The following SEMA5A variants were observed in gnomAD, a reference collection of about 807,000 sequenced individuals.
SEMA5A encodes semaphorin-5A.
In SEMA5A, 55 loss-of-function variants were observed where a neutral mutation model predicts 135.5. The ratio of observed to expected loss-of-function variants is 0.41; its 90% CI spans 0.33 to 0.51. SEMA5A has a LOEUF of 0.51. Ranked by LOEUF, SEMA5A falls within the 20% of genes least tolerant of loss-of-function variation. The probability of loss-of-function intolerance (pLI) is 0.37; values close to 1 mark genes in which losing one functional copy is unlikely to be tolerated. For synonymous variants in SEMA5A, 580 were observed against 546.5 expected (o/e 1.06, Z -0.85); for missense variants, 1,290 against 1,419.9 (o/e 0.91, Z 1.47).
At chr5:9,521,001 G>A (rs964120240) in intron 1 of SEMA5A, among the ~76,000 whole-genome samples, 1 of 152,206 alleles carries the variant, frequency 6.6e-6, no homozygotes, top group African/African-American at 2.4e-5. Context: ...CACATTAGCT[G>A]TGGCCAATGT....
chr5:9,055,536 A>G (rs1305702047), intron 18 of SEMA5A, among the ~76,000 whole-genome samples: 1 of 152,228 alleles, frequency 6.6e-6, no homozygotes, highest in Admixed American at 6.5e-5. Context: ...GTCATGATGT[A>G]TTACATCATT....
At chr5:9,131,846 G>T (rs1741453043) in intron 13 of SEMA5A, among the ~76,000 whole-genome samples, 1 of 151,812 alleles carries the variant, frequency 6.6e-6, no homozygotes, top group African/African-American at 2.4e-5. Context: ...GATGCATTTT[G>T]GAATAGGGAC....
intron 3 of SEMA5A, among the ~76,000 whole-genome samples, chr5:9,363,606 C>T (rs1022998559): frequency 3.9e-5 from 6 of 152,188 alleles, no homozygotes; most frequent in African/African-American, 1.4e-4. Context: ...ATTACACATC[C>T]TTTGGGAGAT....
At chr5:9,104,612 G>A (rs1005121376) in intron 16 of SEMA5A, among the ~76,000 whole-genome samples, 1 of 152,208 alleles carries the variant, frequency 6.6e-6, no homozygotes, top group African/African-American at 2.4e-5. Flanking sequence ...CCTCTAAACA[G>A]CTCTGTCATT....
rs1735637354 is a variant in SEMA5A at position 9,036,013 on chromosome 5, A to G, written c.*6884T>C. On this transcript the variant is annotated 3_prime_UTR_variant, in exon 23 of 23. Transcript: ENST00000382496. The stretch of plus-strand genomic sequence containing the variant: ...TTTATTTTGTGTTCACAAAACAGCC[A>G]ACAGCAAATTAACGCAGAATGAGGC... 6.6e-6 allele frequency: 1 copy of G among 151,330 alleles called. No individual in the cohort carries two copies. Among genetic ancestry groups the G allele is most frequent in the Admixed American group, 6.6e-5 (1 of 15,178 alleles). The allele number at this position is 151,330 out of a possible 1,614,324, so 9.4% of individuals were successfully genotyped here.
At chr5:9,312,949 A>T (rs1038994540) in intron 5 of SEMA5A, among the ~76,000 whole-genome samples, 4 of 152,112 alleles carry the variant, frequency 2.6e-5, no homozygotes, top group Non-Finnish European at 5.9e-5. Context: ...GCTTTGATAG[A>T]TATCATAAGG....
rs111265126 is a variant in SEMA5A at position 9,221,250 on chromosome 5, G to T, written c.646+3424C>A. Among the ~76,000 whole-genome samples the T allele has an allele frequency of 1.4e-4, 22 of 151,808 alleles. No individual in the cohort carries two copies. In the East Asian group the frequency reaches 3.3e-3, roughly 23 times the overall value. On this transcript the variant is annotated intron_variant, in intron 8 of 22. Transcript: ENST00000382496. ...AGGGTGTTTGTTTTTAGCTTGTTGC[G>T]GTTTCTTTGTTTTTGTCTTACTTAA... is the stretch of plus-strand genomic sequence containing the variant.
chr5:9,508,394 G>A (rs1017468088), intron 1 of SEMA5A, among the ~76,000 whole-genome samples: 4 of 152,070 alleles, frequency 2.6e-5, no homozygotes, highest in Admixed American at 6.5e-5. Flanking sequence ...TGTAAATGTC[G>A]CCACTGTAGT....
At chr5:9,125,681 C>T (rs1225601469) in intron 13 of SEMA5A, among the ~76,000 whole-genome samples, 5 of 152,012 alleles carry the variant, frequency 3.3e-5, no homozygotes, top group Admixed American at 3.3e-4. Context: ...TCTCGGTGGC[C>T]TCCCTATTGG....
At chr5:9,046,005 G>T (rs543407178) in intron 21 of SEMA5A, 3 of 152,230 alleles carry the variant, frequency 2.0e-5, no homozygotes, top group African/African-American at 7.2e-5. Context: ...GCAGCATCTC[G>T]TCAGTGCCAC....
intron 11 of SEMA5A, among the ~76,000 whole-genome samples, chr5:9,162,456 A>ATG (rs200628086): frequency 0.5 from 60,304 of 119,998 alleles, 14,362 homozygotes; most frequent in African/African-American, 0.66. Flanking sequence ...GTGTATATAT[A>ATG]TGTGTGTGTA....
chr5:9,308,866 G>A (rs1036443803), intron 5 of SEMA5A, among the ~76,000 whole-genome samples: 2 of 152,114 alleles, frequency 1.3e-5, no homozygotes, highest in Non-Finnish European at 2.9e-5. Context: ...ATGAGATGAT[G>A]CTTGCAAAGT....
chr5:9,504,872 T>A (rs1460834973), intron 1 of SEMA5A, among the ~76,000 whole-genome samples: 2 of 152,220 alleles, frequency 1.3e-5, no homozygotes, highest in Non-Finnish European at 2.9e-5. Context: ...TCCTTTTATG[T>A]TATATCCTCA....
intron 1 of SEMA5A, among the ~76,000 whole-genome samples, chr5:9,506,348 G>T (rs1735878561): frequency 6.6e-6 from 1 of 152,300 alleles, no homozygotes; most frequent in South Asian, 2.1e-4. Context: ...ATATTAAACA[G>T]CTCTAATGTT....
At chr5:9,424,202 A>C (rs1757565931) in intron 2 of SEMA5A, among the ~76,000 whole-genome samples, 1 of 152,258 alleles carries the variant, frequency 6.6e-6, no homozygotes, top group Non-Finnish European at 1.5e-5. Flanking sequence ...AAGTGCTGAA[A>C]GGAACTCACA....
intron 12 of SEMA5A, among the ~76,000 whole-genome samples, chr5:9,139,252 C>T (rs1207525698): frequency 6.6e-6 from 1 of 152,130 alleles, no homozygotes; most frequent in Non-Finnish European, 1.5e-5. Flanking sequence ...TTAACTTTAC[C>T]CTTTAAAAGC....
chr5:9,245,739 G>A (rs185425686), intron 5 of SEMA5A, among the ~76,000 whole-genome samples: 1 of 152,248 alleles, frequency 6.6e-6, no homozygotes, highest in East Asian at 1.9e-4. Flanking sequence ...TGGTATAAGT[G>A]TTTCTTAAAT....
intron 2 of SEMA5A, among the ~76,000 whole-genome samples, chr5:9,394,831 C>T (rs2126541425): frequency 6.6e-6 from 1 of 151,800 alleles, no homozygotes; most frequent in Middle Eastern, 3.4e-3. Flanking sequence ...CTTATTAAGC[C>T]AATGTAGTAA....
At chr5:9,334,989 G>A (rs927320769) in intron 4 of SEMA5A, among the ~76,000 whole-genome samples, 3 of 152,136 alleles carry the variant, frequency 2.0e-5, no homozygotes, top group African/African-American at 7.2e-5. Context: ...CTCCAGGAAT[G>A]AGGTCTGGGA....
Sources: allele counts gnomAD v4.1 joint callset (sites outside exome capture counted in the v4.1 genomes callset), GRCh38; gene constraint gnomAD v4.1.1; transcripts MANE v1.5; gene names NCBI Gene and HGNC (gene_info 2026-07-23, HGNC 2026-07-21).